Variants in RASEF observed in about 807,000 individuals in gnomAD.
RASEF encodes the protein RAS and EF-hand domain containing, also known as ras and EF-hand domain-containing protein.
RASEF carries 68 observed loss-of-function variants against 90.1 expected under a neutral mutation model. The ratio of observed to expected loss-of-function variants is 0.75; its 90% confidence interval spans 0.62 to 0.92. The LOEUF is 0.92. Among genes scored for constraint, RASEF ranks in the 40% least tolerant of loss-of-function variants. The pLI, the probability that RASEF is intolerant of heterozygous loss-of-function variation, is 0.00. For synonymous variants in RASEF, 331 were observed against 345.2 expected (o/e 0.96, Z 0.46); for missense variants, 949 against 937.2 (o/e 1.01, Z -0.16).
At chr9:83,200,270 C>T in the RASEF span, among the ~76,000 whole-genome samples, 27 of 151,964 alleles carry the variant, frequency 1.8e-4, no homozygotes, top group East Asian at 5.3e-3. Flanking sequence ...GTGGCGGTTG[C>T]CTGTAATCCC....
chr9:83,043,971 T>C (rs560982686), intron 1 of RASEF, among the ~76,000 whole-genome samples: 4 of 152,272 alleles, frequency 2.6e-5, no homozygotes, highest in African/African-American at 9.6e-5. Flanking sequence ...AACGGAATAA[T>C]GAATCTAGCA....
In RASEF at chr9:82,982,695, C is replaced by G; in HGVS notation, c.2205G>C (p.Lys735Asn). 6.3e-7 allele frequency: 1 copy of G among 1,593,374 alleles called. No individual in the cohort carries two copies. ...TTGGGATTTAGCCATTGCAACAATTCTTCATCTGTGGTGACTTTTTGGAAT... is the reference window on the plus strand; with the variant it reads ...TTGGGATTTAGCCATTGCAACAATTGTTCATCTGTGGTGACTTTTTGGAAT... ...GTNSKKSPQM[K>N]NCCNG The change falls in exon 17 of 17, where the codon AAG becomes AAC. Residue 735 changes from lysine (K) to asparagine (N), a missense_variant. Physicochemically the swap from Lys to Asn is moderately conservative, Grantham distance 94 (BLOSUM62 0). This residue lies in a region of RASEF where 288 missense variants were observed against 328.4 expected (regional missense o/e 0.88). Coordinates refer to ENST00000376447, the MANE Select transcript of RASEF (RefSeq NM_152573.4).
Position 82,997,106 on chromosome 9 carries a change from G to A in RASEF, c.1826C>T (p.Ser609Phe). Residue 609 changes from serine (S) to phenylalanine (F), a missense_variant, in exon 14 of 17, where the codon TCT becomes TTT. Physicochemically the swap from Ser to Phe is radical, Grantham distance 155 (BLOSUM62 -2). Coordinates refer to ENST00000376447, the MANE Select transcript of RASEF (RefSeq NM_152573.4). The part of the protein sequence containing the change: ...GQERFRSIAK[S>F]YFRKADGVLL... ...AACACCATCTGCCTTTCTGAAGTAA[G>A]ACTTGGCAATACTTCTGAATCTGAG... is the stretch of plus-strand genomic sequence containing the variant. 2 of 1,610,158 alleles carry A rather than the reference G, an allele frequency of 1.2e-6. No homozygotes were observed. Among genetic ancestry groups the A allele is most frequent in the Non-Finnish European group, 1.7e-6 (2 of 1,176,462 alleles).
the RASEF span, among the ~76,000 whole-genome samples, chr9:83,144,898 A>T: frequency 6.6e-6 from 1 of 152,216 alleles, no homozygotes; most frequent in Non-Finnish European, 1.5e-5. Context: ...TACTTTAATA[A>T]GCCAAATACT....
At chr9:83,093,986 C>A in the RASEF span, among the ~76,000 whole-genome samples, 1 of 151,990 alleles carries the variant, frequency 6.6e-6, no homozygotes, top group East Asian at 1.9e-4. Flanking sequence ...GTTTAACAGA[C>A]TTCTTTATTG....
At chr9:83,101,587 A>T in the RASEF span, among the ~76,000 whole-genome samples, 3 of 152,222 alleles carry the variant, frequency 2.0e-5, no homozygotes, top group Non-Finnish European at 4.4e-5. Context: ...AGGTGAAAAG[A>T]GTGTGTAAAT....
the RASEF span, among the ~76,000 whole-genome samples, chr9:83,090,408 CTT>C: frequency 4.1e-5 from 6 of 144,936 alleles, no homozygotes; most frequent in South Asian, 2.2e-4. Context: ...ATGAGCCATA[CTT>C]TTTTTTTTTT....
chr9:83,209,262 C>T, the RASEF span, among the ~76,000 whole-genome samples: 1 of 152,188 alleles, frequency 6.6e-6, no homozygotes, highest in Non-Finnish European at 1.5e-5. Flanking sequence ...GATTGGCTGC[C>T]ATTTCTGGAA....
chr9:83,116,029 C>T, the RASEF span, among the ~76,000 whole-genome samples: 1 of 151,974 alleles, frequency 6.6e-6, no homozygotes, highest in South Asian at 2.1e-4. Context: ...ATTAGTATTC[C>T]AAAGTTAATG....
At chr9:83,152,811 T>C in the RASEF span, among the ~76,000 whole-genome samples, 151 of 152,282 alleles carry the variant, frequency 9.9e-4, no homozygotes, top group African/African-American at 3.5e-3. Flanking sequence ...TTATTTTCCA[T>C]TGGTCTTCAG....
the RASEF span, among the ~76,000 whole-genome samples, chr9:83,195,259 C>T: frequency 6.6e-6 from 1 of 152,182 alleles, no homozygotes; most frequent in Non-Finnish European, 1.5e-5. Flanking sequence ...GTGTGAATTA[C>T]CTGCTTGGGG....
intron 16 of RASEF, among the ~76,000 whole-genome samples, chr9:82,985,661 C>G (rs73467529): frequency 6.6e-6 from 1 of 152,004 alleles, no homozygotes; most frequent in Non-Finnish European, 1.5e-5. Flanking sequence ...TTGGAGAAAC[C>G]CTGAGGCAGA....
At chr9:83,211,467 T>C in the RASEF span, among the ~76,000 whole-genome samples, 16 of 152,138 alleles carry the variant, frequency 1.1e-4, no homozygotes, top group Non-Finnish European at 2.4e-4. Flanking sequence ...TTTCACACTG[T>C]AGCAAAGTCA....
At chr9:83,044,727 G>A (rs1829898880) in intron 1 of RASEF, among the ~76,000 whole-genome samples, 1 of 152,132 alleles carries the variant, frequency 6.6e-6, no homozygotes, top group Non-Finnish European at 1.5e-5. Context: ...TGGCTATGAT[G>A]GTGAATTTTA....
At position 83,000,631 on chromosome 9, in the gene RASEF, C is replaced by T. The variant is rs1829015375; in HGVS notation, c.1438-61G>A. 3 of 1,455,572 alleles carry T rather than the reference C, an allele frequency of 2.1e-6. No individual in the cohort carries two copies. The Admixed American group carries it at 6.4e-5, about 31-fold the overall frequency. 90.2% of individuals were successfully genotyped at this position (1,455,572 alleles called of 1,614,324 possible). ...AATGTCAGCAGTTAAAATACAAAGTCTAAAATGTATACATTATGGATTAAA... is the reference window on the plus strand; with the variant it reads ...AATGTCAGCAGTTAAAATACAAAGTTTAAAATGTATACATTATGGATTAAA... On this transcript the variant is annotated intron_variant, in intron 10 of 16. Transcript: ENST00000376447.
chr9:83,171,308 G>A, the RASEF span, among the ~76,000 whole-genome samples: 2 of 151,850 alleles, frequency 1.3e-5, no homozygotes, highest in Non-Finnish European at 2.9e-5. Flanking sequence ...TCTTTTTAAT[G>A]TGTGGTTGAA....
chr9:83,129,961 G>A, the RASEF span, among the ~76,000 whole-genome samples: 6 of 152,342 alleles, frequency 3.9e-5, no homozygotes, highest in East Asian at 1.2e-3. Flanking sequence ...TGCAGTATAT[G>A]TCTGCTGTAT....
the RASEF span, among the ~76,000 whole-genome samples, chr9:83,141,856 G>A: frequency 7.9e-5 from 12 of 152,300 alleles, no homozygotes; most frequent in African/African-American, 2.4e-4. Flanking sequence ...GGGGTTGGGA[G>A]TAGGGAATAA....
chr9:83,194,739 G>C, the RASEF span, among the ~76,000 whole-genome samples: 6 of 152,040 alleles, frequency 3.9e-5, no homozygotes, highest in African/African-American at 1.5e-4. Flanking sequence ...ATGGCCTCAG[G>C]GACATTTATT....
Sources: allele counts gnomAD v4.1 joint callset (sites outside exome capture counted in the v4.1 genomes callset), GRCh38; gene constraint gnomAD v4.1.1; regional missense constraint gnomAD v4.1.1; transcripts MANE v1.5; gene names NCBI Gene and HGNC (gene_info 2026-07-23, HGNC 2026-07-21).